The following SMC6 variants were observed in gnomAD, a reference collection of about 807,000 sequenced individuals.
SMC6 encodes structural maintenance of chromosomes protein 6.
SMC6 carries 79 observed loss-of-function variants against 142.2 expected under a neutral mutation model. The ratio of observed to expected loss-of-function variants is 0.56; its 90% CI spans 0.46 to 0.67. The LOEUF (loss-of-function observed/expected upper bound fraction) is 0.67. SMC6 is among the 30% of genes least tolerant of loss of function. The pLI, the probability that SMC6 is intolerant of heterozygous loss-of-function variation, is 0.00. For missense variants in SMC6, 1,072 were observed against 1,284.0 expected (o/e 0.83, Z 2.52); for synonymous variants, 411 against 412.4 (o/e 1.00, Z 0.04).
At chr2:17,679,194 A>C (rs1303876487) in intron 24 of SMC6, 3 of 404,462 alleles carry the variant, frequency 7.4e-6, no homozygotes, top group Non-Finnish European at 1.3e-5. Context: ...AAAAAAATTA[A>C]TGAAATGAAT....
intron 2 of SMC6, among the ~76,000 whole-genome samples, chr2:17,749,305 A>T (rs1055894620): frequency 6.1e-4 from 91 of 150,034 alleles, no homozygotes; most frequent in Middle Eastern, 3.4e-3. Context: ...TTTATAATTT[A>T]AAAAAAACAG....
chr2:17,731,230 T>C, intron 6 of SMC6, 91 bp from the exon 7 acceptor site: 1 of 803,990 alleles, frequency 1.2e-6, no homozygotes, highest in East Asian at 2.5e-5. Flanking sequence ...TAAATATTAG[T>C]TAGCTTTCAT....
In SMC6 at chr2:17,707,460, CCTT is replaced by C. The variant is rs113424459; in HGVS notation, c.1846-84_1846-82del. ...TACAGAATTTCAAAATGTTACTCGT[CCTT>C]ATTATTTTAATATGATTCAAGTATT... On this transcript the variant is annotated intron_variant, in intron 17 of 27. Transcript: ENST00000448223. The C allele has an allele frequency of 2.3e-3, 1,844 of 813,330 alleles. 39 individuals are homozygous for C. The African/African-American group carries it at 0.029, about 13-fold the overall frequency. The allele number at this position is 813,330 out of a possible 1,614,324, so 50.4% of individuals were successfully genotyped here.
At chr2:17,753,324 T>TGGGAGGGGACGGCCGCCTGGGA (rs750528642) in intron 1 of SMC6, among the ~76,000 whole-genome samples, 1 of 123,630 alleles carries the variant, frequency 8.1e-6, no homozygotes, top group Non-Finnish European at 1.8e-5. Flanking sequence ...CGGGAGAGTC[T>TGGGAGGGGACGGCCGCCTGGGA]GGGGACGGCC....
chr2:17,675,267 T>C (rs1004377279), intron 25 of SMC6, among the ~76,000 whole-genome samples: 2 of 152,098 alleles, frequency 1.3e-5, no homozygotes, highest in Non-Finnish European at 2.9e-5. Context: ...ATAAGAACCT[T>C]ACAACAGTTT....
At chr2:17,686,433 G>C (rs1667456999) in intron 23 of SMC6, among the ~76,000 whole-genome samples, 1 of 152,162 alleles carries the variant, frequency 6.6e-6, no homozygotes, top group Non-Finnish European at 1.5e-5. Flanking sequence ...AGTGAGCCAA[G>C]ATTGTGCCGC....
At position 17,664,372 on chromosome 2, in the gene SMC6, T is replaced by A. The variant is rs369811985; in HGVS notation, c.*1127A>T. On this transcript the variant is annotated 3_prime_UTR_variant, in exon 28 of 28. Coordinates refer to ENST00000448223, the MANE Select transcript of SMC6 (RefSeq NM_001142286.2). ...CCAAAAACACAAACAAAGTCCAGTT[T>A]TCCTCAATAACTAGAGAACAGTCCC... 1.3e-5 allele frequency: 2 copies of A among 152,290 alleles called. No homozygotes were observed. The highest frequency in any genetic ancestry group is 4.8e-5 in the African/African-American group (2 of 41,568). The allele number at this position is 152,290 out of a possible 1,614,324, so 9.4% of individuals were successfully genotyped here.
chr2:17,664,040 A>G lies in SMC6; in HGVS notation c.*1459T>C, dbSNP rs1369203396. ...GGATTATGTTTCCCATTCTGTATGAAAGAGCACAACATTCAAAACTACAAC... is the reference window on the plus strand; with the variant it reads ...GGATTATGTTTCCCATTCTGTATGAGAGAGCACAACATTCAAAACTACAAC... On this transcript the variant is annotated 3_prime_UTR_variant, in exon 28 of 28. Transcript: ENST00000448223. 2 of 152,358 alleles carry G rather than the reference A, an allele frequency of 1.3e-5. No homozygotes were observed. Among genetic ancestry groups the G allele is most frequent in the African/African-American group, 4.8e-5 (2 of 41,594 alleles). The allele number at this position is 152,358 out of a possible 1,614,324, so 9.4% of individuals were successfully genotyped here. A position where few individuals can be genotyped will look rare whatever the true frequency, so the allele number is the denominator to read the frequency against.
chr2:17,680,928 A>G (rs967884291), intron 24 of SMC6: 1 of 152,222 alleles, frequency 6.6e-6, no homozygotes, highest in African/African-American at 2.4e-5. Context: ...CTACAAAGCC[A>G]GGAATTGACT....
Position 17,716,197 on chromosome 2 carries a change from T to C in SMC6, c.1414A>G (p.Ser472Gly), listed in dbSNP as rs1669075588. Residue 472 changes from serine to glycine, a missense_variant, in exon 15 of 28, where the codon AGT becomes GGT. Physicochemically the swap from Ser to Gly is moderately conservative, Grantham distance 56. Around this residue, in one of 3 missense-constraint regions of SMC6, gnomAD observed 994 missense variants for 1,153.2 expected, o/e 0.86. Transcript: ENST00000448223. Reference sequence around the variant, plus strand: ...AATCTTTTGAGTCGATCAGTTTTACTATCTTTCAATTCTTTCAGTTGCCTC... The same window carrying C: ...AATCTTTTGAGTCGATCAGTTTTACCATCTTTCAATTCTTTCAGTTGCCTC... ...NQRQLKELKD[S>G]KTDRLKRFGP... 2.5e-6 allele frequency: 4 copies of C among 1,613,006 alleles called. No homozygotes were observed. Among genetic ancestry groups the C allele is most frequent in the Non-Finnish European group, 3.4e-6 (4 of 1,179,716 alleles).
intron 18 of SMC6, among the ~76,000 whole-genome samples, chr2:17,706,058 C>T (rs1668492633): frequency 6.6e-6 from 1 of 152,104 alleles, no homozygotes; most frequent in African/African-American, 2.4e-5. Context: ...TATATTAATA[C>T]TTTGTTTCCT....
At chr2:17,706,846 C>A (rs1668535123) in intron 18 of SMC6, among the ~76,000 whole-genome samples, 1 of 152,092 alleles carries the variant, frequency 6.6e-6, no homozygotes, top group South Asian at 2.1e-4. Context: ...GAGCTTGAGC[C>A]AGAATGTAAA....
chr2:17,715,372 C>T (rs1669032303), intron 15 of SMC6, among the ~76,000 whole-genome samples: 1 of 151,604 alleles, frequency 6.6e-6, no homozygotes, highest in African/African-American at 2.4e-5. Flanking sequence ...TTTCTATGTT[C>T]AGTTTATACT....
At chr2:17,741,589 A>T in intron 4 of SMC6, 23 bp downstream of exon 4, 1 of 1,495,034 alleles carries the variant, frequency 6.7e-7, no homozygotes, top group Non-Finnish European at 9.2e-7. Flanking sequence ...TCAAAGTCAA[A>T]CGAGAAGGGA....
At chr2:17,726,325 T>G in intron 8 of SMC6, 64 bp downstream of exon 8, 3 of 1,276,584 alleles carry the variant, frequency 2.4e-6, no homozygotes, top group Non-Finnish European at 3.3e-6. Flanking sequence ...GCAATAATAT[T>G]GTTTACAATA....
intron 24 of SMC6, 145 bp downstream of exon 24, chr2:17,683,493 T>C (rs1667321354): frequency 1.2e-5 from 9 of 739,850 alleles, no homozygotes; most frequent in East Asian, 6.1e-5. Flanking sequence ...AGATTCGGAA[T>C]TGTCTGATTA....
rs1435456988 is a variant in SMC6 at position 17,678,908 on chromosome 2, T to C, written c.2861A>G (p.Tyr954Cys). The C allele has an allele frequency of 1.9e-6, 3 of 1,612,844 alleles. No individual in the cohort carries two copies. Residue 954 changes from tyrosine (Y) to cysteine (C), a missense_variant, in exon 25 of 28, where the codon TAT becomes TGT. Transcript: ENST00000448223. ...YFDNLLSQRA[Y>C]CGKMNFDHKN... The stretch of plus-strand genomic sequence containing the variant: ...GTGGTCAAAATTCATTTTTCCACAA[T>C]AGGCCCGCTGAGATAGTAAGTTGTC...
At chr2:17,699,051 C>T (rs140757464) in intron 21 of SMC6, among the ~76,000 whole-genome samples, 266 of 152,164 alleles carry the variant, frequency 1.7e-3, no homozygotes, top group African/African-American at 6.0e-3. Flanking sequence ...TTTTTGCTAG[C>T]CTTCTAAACA....
intron 2 of SMC6, among the ~76,000 whole-genome samples, chr2:17,749,166 G>T (rs1395855419): frequency 6.6e-6 from 1 of 151,912 alleles, no homozygotes; most frequent in Admixed American, 6.6e-5. Flanking sequence ...AAAGGCTAAA[G>T]AAACATATTT....
Sources: gnomAD v4.1 joint callset for allele counts (sites outside exome capture counted in the v4.1 genomes callset) on GRCh38, gnomAD v4.1.1 for gene constraint, gnomAD v4.1.1 regional missense constraint, MANE v1.5 for transcripts, NCBI Gene and HGNC (gene_info 2026-07-23, HGNC 2026-07-21) for gene names.